Variants in DGKG observed in about 807,000 individuals in gnomAD.
The protein encoded by DGKG is diacylglycerol kinase gamma, also known as DAG kinase gamma.
Under a neutral mutation model 105.3 loss-of-function variants are expected in DGKG, and 78 were observed. That is an observed-to-expected ratio of 0.74 (90% CI 0.62 to 0.89). DGKG has a LOEUF of 0.89. Among genes scored for constraint, DGKG ranks in the 40% least tolerant of loss-of-function variants. The pLI, the probability that DGKG is intolerant of heterozygous loss-of-function variation, is 0.00. For missense variants in DGKG, 958 were observed against 1,020.1 expected, an observed-to-expected ratio of 0.94 and a Z score of 0.83; for synonymous variants, 346 against 367.1, an observed-to-expected ratio of 0.94 and a Z score of 0.66.
chr3:186,149,229 G>C lies in DGKG; in HGVS notation c.*861C>G. The C allele has an allele frequency of 3.0e-6, 3 of 984,850 alleles. No homozygotes were observed. The highest frequency in any genetic ancestry group is 3.6e-6 in the Non-Finnish European group (3 of 829,756). The allele number at this position is 984,850 out of a possible 1,614,324, so 61.0% of individuals were successfully genotyped here. On this transcript the variant is annotated 3_prime_UTR_variant, in exon 25 of 25. Coordinates refer to ENST00000265022, the MANE Select transcript of DGKG (RefSeq NM_001346.3). The stretch of plus-strand genomic sequence containing the variant: ...CTTTGGCTTGAAAAAGAAAGAAGCT[G>C]GGGGTGGTTTTTTTTTTCCTTCCCT...
At chr3:186,201,201 G>A (rs930885513) in intron 21 of DGKG, among the ~76,000 whole-genome samples, 2 of 151,586 alleles carry the variant, frequency 1.3e-5, no homozygotes, top group African/African-American at 4.8e-5. Flanking sequence ...TCTTGCTCTG[G>A]ATGCAGATTA....
At chr3:186,316,600 G>C (rs1174531254) in intron 2 of DGKG, among the ~76,000 whole-genome samples, 1 of 152,162 alleles carries the variant, frequency 6.6e-6, no homozygotes, top group African/African-American at 2.4e-5. Context: ...CTATATGTGT[G>C]TGTGTCTGTG....
At chr3:186,196,779 G>A (rs1718202378) in intron 21 of DGKG, among the ~76,000 whole-genome samples, 1 of 152,192 alleles carries the variant, frequency 6.6e-6, no homozygotes. Context: ...AAGTTGGTAA[G>A]TTGACCTTCC....
intron 20 of DGKG, among the ~76,000 whole-genome samples, chr3:186,213,988 A>G (rs1014450894): frequency 2.6e-5 from 4 of 152,244 alleles, no homozygotes; most frequent in African/African-American, 7.2e-5. Context: ...TTTTGGCAGC[A>G]AGAGCATCTT....
chr3:186,359,433 A>G (rs146307100), intron 1 of DGKG, among the ~76,000 whole-genome samples: 164 of 152,334 alleles, frequency 1.1e-3, no homozygotes, highest in Non-Finnish European at 1.9e-3. Context: ...TTTTGCTACA[A>G]CACTAATTCA....
intron 22 of DGKG, among the ~76,000 whole-genome samples, chr3:186,169,878 G>C (rs1716739494): frequency 6.6e-6 from 1 of 152,226 alleles, no homozygotes; most frequent in African/African-American, 2.4e-5. Flanking sequence ...CTGTGCCACA[G>C]GGTCTGGGTT....
intron 20 of DGKG, among the ~76,000 whole-genome samples, chr3:186,212,101 G>A (rs1224924409): frequency 2.6e-5 from 4 of 151,850 alleles, no homozygotes; most frequent in South Asian, 2.1e-4. Flanking sequence ...TAGACATCAC[G>A]GCAACCCTGG....
intron 21 of DGKG, among the ~76,000 whole-genome samples, chr3:186,196,763 G>A (rs192714700): frequency 5.3e-4 from 81 of 152,260 alleles, no homozygotes; most frequent in African/African-American, 1.9e-3. Context: ...AGAACAGTGA[G>A]GTCTAAAGTT....
chr3:186,282,970 G>T (rs1000784773), intron 7 of DGKG, among the ~76,000 whole-genome samples: 2 of 151,222 alleles, frequency 1.3e-5, no homozygotes, highest in East Asian at 1.9e-4. Context: ...AGTAAGTGGC[G>T]TGATCTTGGC....
chr3:186,179,420 G>A (rs1427973711), intron 22 of DGKG, among the ~76,000 whole-genome samples: 1 of 152,176 alleles, frequency 6.6e-6, no homozygotes, highest in African/African-American at 2.4e-5. Flanking sequence ...GTCTGTGTGA[G>A]CCAAAAGATC....
chr3:186,223,010 AC>A (rs1330525104), intron 20 of DGKG, among the ~76,000 whole-genome samples: 1 of 10,288 alleles, frequency 9.7e-5, no homozygotes, highest in African/African-American at 2.3e-4. Flanking sequence ...GTGTATGTAT[AC>A]TATATATATA....
intron 19 of DGKG, among the ~76,000 whole-genome samples, chr3:186,244,829 C>T (rs1578717871): frequency 6.6e-6 from 1 of 152,176 alleles, no homozygotes; most frequent in Non-Finnish European, 1.5e-5. Flanking sequence ...ATCCAGCCTG[C>T]ACCGCTTCCC....
At chr3:186,234,305 A>G (rs1370222654) in intron 20 of DGKG, among the ~76,000 whole-genome samples, 2 of 151,956 alleles carry the variant, frequency 1.3e-5, no homozygotes, top group Non-Finnish European at 2.9e-5. Flanking sequence ...CACCTTCTCA[A>G]CCTCTCCCTT....
intron 3 of DGKG, among the ~76,000 whole-genome samples, chr3:186,299,822 T>TTTCTTTC (rs1723809900): frequency 3.7e-5 from 4 of 109,260 alleles, no homozygotes; most frequent in Non-Finnish European, 7.8e-5. Context: ...TCTTTCTTTC[T>TTTCTTTC]TTCTTTCTTT....
At chr3:186,329,156 T>C (rs1320225926) in intron 1 of DGKG, among the ~76,000 whole-genome samples, 1 of 152,174 alleles carries the variant, frequency 6.6e-6, no homozygotes, top group Non-Finnish European at 1.5e-5. Context: ...TAGGATTTTC[T>C]AAATAAAACT....
At chr3:186,185,232 A>C (rs1375271361) in intron 22 of DGKG, among the ~76,000 whole-genome samples, 1 of 152,178 alleles carries the variant, frequency 6.6e-6, no homozygotes, top group Non-Finnish European at 1.5e-5. Context: ...CCCTTTCAAG[A>C]AGAAAGCTCA....
chr3:186,352,782 CA>C (rs1021185364), intron 1 of DGKG, among the ~76,000 whole-genome samples: 7 of 152,164 alleles, frequency 4.6e-5, no homozygotes, highest in Admixed American at 4.6e-4. Context: ...AAAAGCCTCT[CA>C]GGGGCAGCCT....
At chr3:186,253,527 C>T (rs745438307) in intron 17 of DGKG, among the ~76,000 whole-genome samples, 7 of 152,212 alleles carry the variant, frequency 4.6e-5, no homozygotes, top group African/African-American at 7.2e-5. Flanking sequence ...TAATGATAAT[C>T]AGCACTTACT....
At chr3:186,359,322 G>T (rs1560172731) in intron 1 of DGKG, among the ~76,000 whole-genome samples, 1 of 152,186 alleles carries the variant, frequency 6.6e-6, no homozygotes, top group Admixed American at 6.5e-5. Context: ...GTGCAGTAAA[G>T]ACTTTGCCCA....
Sources: allele counts gnomAD v4.1 joint callset (sites outside exome capture counted in the v4.1 genomes callset), GRCh38; gene constraint gnomAD v4.1.1; transcripts MANE v1.5; gene names NCBI Gene and HGNC (gene_info 2026-07-23, HGNC 2026-07-21).